Variants in RBFOX1 observed in about 807,000 individuals in gnomAD.
RBFOX1 encodes the protein RNA binding protein fox-1 homolog 1.
Under a neutral mutation model 57.7 loss-of-function variants are expected in RBFOX1, and 8 were observed. The observed-to-expected ratio is 0.14, with a 90% CI of 0.08 to 0.25. The LOEUF (loss-of-function observed/expected upper bound fraction) is 0.25, where lower values mean the gene tolerates loss of function less well. Among genes scored for constraint, RBFOX1 ranks in the 10% least tolerant of loss-of-function variants. The pLI is 1.00. For synonymous variants in RBFOX1, 326 were observed against 222.4 expected (o/e 1.47, Z -4.15); for missense variants, 611 against 548.5 (o/e 1.11, Z -1.14).
chr16:5,445,175 C>A (rs556420333), intron 1 of RBFOX1, among the ~76,000 whole-genome samples: 1 of 152,192 alleles, frequency 6.6e-6, no homozygotes, highest in Admixed American at 6.5e-5. Flanking sequence ...AGCAGAGTGA[C>A]TTGGTAGCTT....
At chr16:6,886,097 C>G (rs914568668) in intron 3 of RBFOX1, among the ~76,000 whole-genome samples, 3 of 148,120 alleles carry the variant, frequency 2.0e-5, no homozygotes, top group Non-Finnish European at 3.0e-5. Context: ...GAGTCTCGCT[C>G]TGTCACCAGG....
chr16:6,095,050 A>G (rs2096227646), intron 1 of RBFOX1, among the ~76,000 whole-genome samples: 1 of 152,088 alleles, frequency 6.6e-6, no homozygotes, highest in South Asian at 2.1e-4. Context: ...ACAGAGTGAT[A>G]CTCCATCTCA....
chr16:7,368,779 CAAAA>C (rs5815399), intron 4 of RBFOX1, among the ~76,000 whole-genome samples: 16 of 127,272 alleles, frequency 1.3e-4, no homozygotes, highest in Non-Finnish European at 1.5e-4. Flanking sequence ...GACTCTGTCT[CAAAA>C]AAAAAAAAAA....
rs545459940 is a variant in RBFOX1 at position 6,095,505 on chromosome 16, T to C, written c.-127+75513T>C. 2.0e-5 allele frequency among the ~76,000 whole-genome samples: 3 copies of C among 152,258 alleles called. No homozygotes were observed. The East Asian group carries it at 5.8e-4, about 30-fold the overall frequency. On this transcript the variant is annotated intron_variant, in intron 1 of 15. Transcript: ENST00000550418. ...TCTTTCTCTTTCAGTTTCTGGGTTT[T>C]CACAGCCAAGGGAAAGGTAGGCAGA...
intron 1 of RBFOX1, among the ~76,000 whole-genome samples, chr16:5,424,984 T>TTTCTTTCTTTCTTTCTTTC (rs200482050): frequency 2.9e-5 from 2 of 68,918 alleles, no homozygotes; most frequent in African/African-American, 1.3e-4. Context: ...CTTTCTTTTC[T>TTTCTTTCTTTCTTTCTTTC]TTTCTTTTCT....
At chr16:6,594,824 C>G (rs1187895003) in intron 2 of RBFOX1, among the ~76,000 whole-genome samples, 1 of 152,090 alleles carries the variant, frequency 6.6e-6, no homozygotes, top group Non-Finnish European at 1.5e-5. Flanking sequence ...AGTCTCATTC[C>G]GTCGCCCAGG....
chr16:7,130,226 G>A (rs145052257), intron 4 of RBFOX1, among the ~76,000 whole-genome samples: 223 of 152,070 alleles, frequency 1.5e-3, no homozygotes, highest in South Asian at 3.5e-3. Flanking sequence ...TAGAGGTGGA[G>A]TTTCGCCATA....
intron 2 of RBFOX1, among the ~76,000 whole-genome samples, chr16:5,570,934 C>T (rs994464222): frequency 6.6e-6 from 1 of 151,684 alleles, no homozygotes; most frequent in Non-Finnish European, 1.5e-5. Context: ...GGTCCAGATG[C>T]TGAGTTTGAT....
intron 4 of RBFOX1, among the ~76,000 whole-genome samples, chr16:7,110,443 T>A (rs73542474): frequency 0.036 from 5,480 of 152,144 alleles, 357 homozygotes; most frequent in African/African-American, 0.12. Flanking sequence ...ACAGCAAATA[T>A]GAGTGGAGAC....
chr16:6,159,005 C>A (rs2096858284), intron 1 of RBFOX1, among the ~76,000 whole-genome samples: 1 of 151,962 alleles, frequency 6.6e-6, no homozygotes, highest in Non-Finnish European at 1.5e-5. Context: ...TGGGTTCAAG[C>A]AATTCTCCTG....
At chr16:7,536,733 G>A (rs573857540) in intron 5 of RBFOX1, among the ~76,000 whole-genome samples, 8 of 152,342 alleles carry the variant, frequency 5.3e-5, no homozygotes, top group Admixed American at 1.3e-4. Context: ...TGTGATTGTC[G>A]ATTGTATATG....
chr16:7,597,253 T>C, intron 8 of RBFOX1, 118 bp from the exon 9 acceptor site: 2 of 643,416 alleles, frequency 3.1e-6, no homozygotes, highest in Non-Finnish European at 5.2e-6. Flanking sequence ...TAAATTAAAA[T>C]GCATTTTACT....
rs376880105 is a variant in RBFOX1 at position 6,448,892 on chromosome 16, C to T, written c.-64+131835C>T. On this transcript the variant is annotated intron_variant, in intron 2 of 15. Transcript: ENST00000550418. ...TTATTTTGAGTTGAGAGATAGCAGC[C>T]ATTTTCAGTCATTTTAAATTTGATT... Among the ~76,000 whole-genome samples the T allele has an allele frequency of 9.9e-5, 15 of 152,176 alleles. No homozygotes were observed. The East Asian group carries it at 2.5e-3, about 25-fold the overall frequency.
At chr16:7,004,774 A>C (rs1341774151) in intron 3 of RBFOX1, among the ~76,000 whole-genome samples, 1 of 152,224 alleles carries the variant, frequency 6.6e-6, no homozygotes, top group Non-Finnish European at 1.5e-5. Context: ...TGGCTGTACC[A>C]GATTAAGATA....
chr16:5,749,824 G>A (rs984819879), intron 3 of RBFOX1, among the ~76,000 whole-genome samples: 1 of 152,162 alleles, frequency 6.6e-6, no homozygotes, highest in East Asian at 1.9e-4. Flanking sequence ...TCCTCCGTTA[G>A]TTCAGAGAAG....
rs534152005 is a variant in RBFOX1, at chr16:6,971,316, C to T, written c.-15-80741C>T. Among the ~76,000 whole-genome samples the T allele has an allele frequency of 3.3e-5, 5 of 152,186 alleles. No homozygotes were observed. The South Asian group carries it at 1.0e-3, about 32-fold the overall frequency. ...AGATAGGAAAGCGAGGACATGTCAG[C>T]CACAGAAACATCCATGGAAGAGCAA... On this transcript the variant is annotated intron_variant, in intron 3 of 15. Coordinates refer to ENST00000550418, the MANE Select transcript of RBFOX1 (RefSeq NM_018723.4).
chr16:6,971,415 G>A (rs1214936498), intron 3 of RBFOX1, among the ~76,000 whole-genome samples: 4 of 152,028 alleles, frequency 2.6e-5, no homozygotes, highest in Non-Finnish European at 5.9e-5. Context: ...AGAAAGGGAA[G>A]GGTGGTGTAA....
rs1236163345 is a variant in RBFOX1 at position 6,136,467 on chromosome 16, T to A, written c.-127+116475T>A. On this transcript the variant is annotated intron_variant, in intron 1 of 15. Coordinates refer to ENST00000550418, the MANE Select transcript of RBFOX1 (RefSeq NM_018723.4). ...AAGAAAGCATGGAGAATTGCGGTGATAAGGGCTTACGCTTCATTTTTTATG... is the reference window on the plus strand; with the variant it reads ...AAGAAAGCATGGAGAATTGCGGTGAAAAGGGCTTACGCTTCATTTTTTATG... Among the ~76,000 whole-genome samples the A allele has an allele frequency of 1.3e-5, 2 of 152,304 alleles. 1 individual carries two copies. The highest frequency in any genetic ancestry group is 4.1e-4 in the South Asian group (2 of 4,826).
chr16:7,538,973 G>A (rs932807648), intron 5 of RBFOX1, among the ~76,000 whole-genome samples: 1 of 151,738 alleles, frequency 6.6e-6, no homozygotes, highest in African/African-American at 2.4e-5. Flanking sequence ...ACACTTCAGT[G>A]GTGGCTGAAT....
Sources: gnomAD v4.1 joint callset for allele counts (sites outside exome capture counted in the v4.1 genomes callset) on GRCh38, gnomAD v4.1.1 for gene constraint, MANE v1.5 for transcripts, NCBI Gene and HGNC (gene_info 2026-07-23, HGNC 2026-07-21) for gene names.